The following TUSC3 variants were observed in gnomAD, a reference collection of about 807,000 sequenced individuals.
TUSC3 encodes the protein tumor suppressor candidate 3.
Under a neutral mutation model 44.8 loss-of-function variants are expected in TUSC3, and 45 were observed. The observed-to-expected ratio is 1.00, with a 90% confidence interval of 0.79 to 1.29. TUSC3 has a LOEUF of 1.29. Ranked by LOEUF, TUSC3 falls within the 50% of genes most tolerant of loss-of-function variation. TUSC3 has a pLI of 0.00. For synonymous variants in TUSC3, 212 were observed against 152.9 expected (o/e 1.39, Z -2.85); for missense variants, 519 against 437.9 (o/e 1.19, Z -1.65).
intron 1 of TUSC3, among the ~76,000 whole-genome samples, chr8:15,562,459 T>C (rs1343053440): frequency 1.3e-5 from 2 of 152,124 alleles, no homozygotes; most frequent in African/African-American, 4.8e-5. Context: ...TATTGATGCA[T>C]AAAAAATTGC....
chr8:15,507,029 T>A (rs1022345222), intron 2 of TUSC3, among the ~76,000 whole-genome samples: 1 of 152,224 alleles, frequency 6.6e-6, no homozygotes, highest in Admixed American at 6.5e-5. Context: ...CTCTGTATCT[T>A]TGGGTCTTCA....
intron 6 of TUSC3, among the ~76,000 whole-genome samples, chr8:15,678,801 C>T (rs536351033): frequency 3.8e-4 from 58 of 152,102 alleles, no homozygotes; most frequent in African/African-American, 1.4e-3. Flanking sequence ...TTTTGGAGTC[C>T]GTAGCATCTG....
At chr8:15,600,456 C>T (rs1034567574) in intron 1 of TUSC3, among the ~76,000 whole-genome samples, 1 of 151,628 alleles carries the variant, frequency 6.6e-6, no homozygotes, top group South Asian at 2.1e-4. Flanking sequence ...GGTAGTGATT[C>T]TTAGTTTATT....
At chr8:15,691,312 A>T (rs760009760) in intron 6 of TUSC3, among the ~76,000 whole-genome samples, 1 of 151,764 alleles carries the variant, frequency 6.6e-6, no homozygotes, top group Non-Finnish European at 1.5e-5. Context: ...TTCACCTTGG[A>T]TGTTTTTGGT....
intron 1 of TUSC3, among the ~76,000 whole-genome samples, chr8:15,612,278 A>G (rs1347248500): frequency 2.0e-5 from 3 of 152,164 alleles, no homozygotes; most frequent in Non-Finnish European, 4.4e-5. Flanking sequence ...GGTTAAAGAC[A>G]TGAGACCACA....
At chr8:15,783,814 T>G in the TUSC3 span, among the ~76,000 whole-genome samples, 12 of 152,094 alleles carry the variant, frequency 7.9e-5, no homozygotes, top group Non-Finnish European at 1.6e-4. Context: ...TTCTTGGATA[T>G]AACTCCAACA....
chr8:15,504,525 C>G (rs1801017539), intron 2 of TUSC3, among the ~76,000 whole-genome samples: 1 of 136,580 alleles, frequency 7.3e-6, no homozygotes, highest in Admixed American at 8.0e-5. Flanking sequence ...TTTAGGTTGC[C>G]AAACAGAATT....
At chr8:15,667,413 TG>T (rs1299792921) in intron 5 of TUSC3, among the ~76,000 whole-genome samples, 1 of 151,730 alleles carries the variant, frequency 6.6e-6, no homozygotes, top group Non-Finnish European at 1.5e-5. Context: ...AGAAATGCAG[TG>T]TATAAATTCA....
At chr8:15,442,038 T>A (rs1204087950) in intron 1 of TUSC3, among the ~76,000 whole-genome samples, 1 of 152,216 alleles carries the variant, frequency 6.6e-6, no homozygotes, top group African/African-American at 2.4e-5. Context: ...TATAACTGAC[T>A]GGGCTTCCTT....
chr8:15,850,875 C>T, the TUSC3 span, among the ~76,000 whole-genome samples: 1 of 152,142 alleles, frequency 6.6e-6, no homozygotes, highest in African/African-American at 2.4e-5. Context: ...TGAGTTGAAA[C>T]CTCCTTCGAA....
intron 1 of TUSC3, among the ~76,000 whole-genome samples, chr8:15,560,947 G>C (rs1309940062): frequency 1.1e-5 from 1 of 89,460 alleles, no homozygotes; most frequent in African/African-American, 4.0e-5. Context: ...CCTTTGGTTT[G>C]AATGTCCTCC....
intron 2 of TUSC3, among the ~76,000 whole-genome samples, chr8:15,485,797 TG>T (rs1371751289): frequency 6.6e-6 from 1 of 152,046 alleles, no homozygotes; most frequent in Non-Finnish European, 1.5e-5. Context: ...TTTGTTTGTT[TG>T]TTTGTTTTTT....
At chr8:15,454,409 C>T (rs1021802178) in intron 1 of TUSC3, among the ~76,000 whole-genome samples, 3 of 152,184 alleles carry the variant, frequency 2.0e-5, no homozygotes, top group Admixed American at 6.5e-5. Context: ...AATTTGCTGC[C>T]ACCAACATTC....
chr8:15,733,417 A>G (rs1786417028), intron 7 of TUSC3: 1 of 396,144 alleles, frequency 2.5e-6, no homozygotes, highest in Non-Finnish European at 5.0e-6. Context: ...CTTTATCTGG[A>G]TAAAGTGATG....
intron 2 of TUSC3, among the ~76,000 whole-genome samples, chr8:15,524,970 G>T (rs758335469): frequency 1.3e-5 from 2 of 152,192 alleles, no homozygotes; most frequent in Non-Finnish European, 2.9e-5. Flanking sequence ...CTCTGCTCAT[G>T]CTTGCCCAGA....
At chr8:15,583,906 C>T (rs893430333) in intron 1 of TUSC3, among the ~76,000 whole-genome samples, 1 of 152,110 alleles carries the variant, frequency 6.6e-6, no homozygotes, top group Non-Finnish European at 1.5e-5. Flanking sequence ...AAGGAAAAAT[C>T]AGGAAAGGAA....
chr8:15,504,815 G>A (rs1215700277), intron 2 of TUSC3, among the ~76,000 whole-genome samples: 1 of 149,994 alleles, frequency 6.7e-6, no homozygotes, highest in African/African-American at 2.5e-5. Context: ...ACCATGCCCA[G>A]CTAATTTTTT....
intron 1 of TUSC3, among the ~76,000 whole-genome samples, chr8:15,447,784 T>G (rs1457947243): frequency 6.6e-6 from 1 of 151,510 alleles, no homozygotes. Flanking sequence ...TGATGTAAAA[T>G]GTCAGAAAAC....
the TUSC3 span, among the ~76,000 whole-genome samples, chr8:15,772,799 G>A: frequency 2.6e-5 from 4 of 152,152 alleles, no homozygotes; most frequent in African/African-American, 4.8e-5. Context: ...GTTTTATACA[G>A]CATGACCAAG....
Sources: gnomAD v4.1 joint callset for allele counts (sites outside exome capture counted in the v4.1 genomes callset) on GRCh38, gnomAD v4.1.1 for gene constraint, MANE v1.5 for transcripts, NCBI Gene and HGNC (gene_info 2026-07-23, HGNC 2026-07-21) for gene names.